Variants in B3GALT1 observed in about 807,000 individuals in gnomAD.
B3GALT1 encodes the protein beta-1,3-galactosyltransferase 1, also known as UDP-Gal:betaGlcNAc beta 1,3-galactosyltransferase, polypeptide 1.
In B3GALT1, 10 loss-of-function variants were observed where a neutral mutation model predicts 23.2. That is an observed-to-expected ratio of 0.43 (90% confidence interval 0.27 to 0.73). The LOEUF (loss-of-function observed/expected upper bound fraction) is 0.73. Among genes scored for constraint, B3GALT1 ranks in the 30% least tolerant of loss-of-function variants. The pLI, the probability that B3GALT1 is intolerant of heterozygous loss-of-function variation, is 0.21. For synonymous variants in B3GALT1, 156 were observed against 141.5 expected, an observed-to-expected ratio of 1.10 and a Z score of -0.73; for missense variants, 299 against 405.4, an observed-to-expected ratio of 0.74 and a Z score of 2.25.
chr2:167,560,041 AG>A (rs1683941530), intron 2 of B3GALT1, among the ~76,000 whole-genome samples: 1 of 152,212 alleles, frequency 6.6e-6, no homozygotes, highest in African/African-American at 2.4e-5. Flanking sequence ...AAAAATGTTA[AG>A]GGCAGCCAGA....
At chr2:167,346,458 G>C (rs1480194580) in intron 1 of B3GALT1, among the ~76,000 whole-genome samples, 1 of 152,060 alleles carries the variant, frequency 6.6e-6, no homozygotes, top group Non-Finnish European at 1.5e-5. Context: ...AACTTGCAGA[G>C]CCATCTTTAA....
chr2:167,722,413 C>G (rs994750451), intron 3 of B3GALT1, among the ~76,000 whole-genome samples: 1 of 152,174 alleles, frequency 6.6e-6, no homozygotes, highest in African/African-American at 2.4e-5. Context: ...GTGTCTTTGA[C>G]CTGACATTGA....
intron 3 of B3GALT1, among the ~76,000 whole-genome samples, chr2:167,689,105 G>A: frequency 7.5e-6 from 1 of 132,558 alleles, no homozygotes; most frequent in Non-Finnish European, 1.6e-5. Context: ...TCATCAAATA[G>A]AAACGCCATA....
intron 3 of B3GALT1, among the ~76,000 whole-genome samples, chr2:167,680,239 T>C (rs750548130): frequency 4.6e-5 from 7 of 152,176 alleles, no homozygotes; most frequent in Non-Finnish European, 1.5e-5. Context: ...GATTTATAAA[T>C]ATGCATCAGT....
At chr2:167,604,854 T>C (rs1684935986) in intron 2 of B3GALT1, among the ~76,000 whole-genome samples, 1 of 152,142 alleles carries the variant, frequency 6.6e-6, no homozygotes, top group Non-Finnish European at 1.5e-5. Context: ...TCTGGGAAGA[T>C]CATAGGCAAG....
intron 2 of B3GALT1, among the ~76,000 whole-genome samples, chr2:167,505,306 A>C (rs910461323): frequency 2.1e-4 from 32 of 152,210 alleles, no homozygotes; most frequent in Non-Finnish European, 4.0e-4. Flanking sequence ...ATCTTTAAAA[A>C]TTTTTAAATA....
intron 3 of B3GALT1, among the ~76,000 whole-genome samples, chr2:167,804,151 A>C (rs972483468): frequency 2.0e-5 from 3 of 151,878 alleles, no homozygotes; most frequent in Non-Finnish European, 4.4e-5. Context: ...CACCACGTCC[A>C]GCTGATTTTT....
At chr2:167,787,450 G>A (rs1009535517) in intron 3 of B3GALT1, among the ~76,000 whole-genome samples, 1 of 152,208 alleles carries the variant, frequency 6.6e-6, no homozygotes. Context: ...CAAGGGAGTA[G>A]GATGTACCAG....
chr2:167,822,038 G>A (rs1460987236), intron 4 of B3GALT1, among the ~76,000 whole-genome samples: 1 of 152,180 alleles, frequency 6.6e-6, no homozygotes, highest in Non-Finnish European at 1.5e-5. Context: ...CACAGTGGAG[G>A]AAGCAGCTCA....
intron 1 of B3GALT1, among the ~76,000 whole-genome samples, chr2:167,437,439 A>G (rs1698807610): frequency 6.6e-6 from 1 of 152,236 alleles, no homozygotes; most frequent in African/African-American, 2.4e-5. Context: ...TTTGGATCTG[A>G]TAACTTCTGC....
At position 167,839,754 on chromosome 2, in the gene B3GALT1, C is replaced by T. The variant is rs567546041; in HGVS notation, c.-230+20961C>T. Among the ~76,000 whole-genome samples the T allele has an allele frequency of 3.9e-5, 6 of 152,284 alleles. No individual in the cohort carries two copies. The East Asian group carries it at 7.7e-4, about 20-fold the overall frequency. ...TAAGCCAAAAGAACAAAGCTGGAGG[C>T]ATCACACTACCTGACTTCAAACTAT... On this transcript the variant is annotated intron_variant, in intron 4 of 4. Coordinates refer to ENST00000392690, the MANE Select transcript of B3GALT1 (RefSeq NM_020981.4).
At chr2:167,443,023 C>T (rs1277413760) in intron 1 of B3GALT1, among the ~76,000 whole-genome samples, 1 of 152,000 alleles carries the variant, frequency 6.6e-6, no homozygotes, top group Non-Finnish European at 1.5e-5. Flanking sequence ...AAGTTTAAGT[C>T]TTTAATCCAT....
At chr2:167,375,232 G>A (rs1697744693) in intron 1 of B3GALT1, among the ~76,000 whole-genome samples, 1 of 152,064 alleles carries the variant, frequency 6.6e-6, no homozygotes, top group South Asian at 2.1e-4. Context: ...TGCTGTTTTG[G>A]TTACTGTCGA....
intron 1 of B3GALT1, among the ~76,000 whole-genome samples, chr2:167,297,920 A>G (rs1391440816): frequency 1.3e-5 from 2 of 152,084 alleles, no homozygotes; most frequent in Non-Finnish European, 2.9e-5. Flanking sequence ...GCTGCTACCC[A>G]CCCCAGTTTT....
Position 167,714,032 on chromosome 2 carries a change from G to A in B3GALT1, c.-352+67066G>A, listed in dbSNP as rs570547027. 6 of 1,540,148 alleles carry A rather than the reference G, an allele frequency of 3.9e-6. No homozygotes were observed. The South Asian group carries it at 5.6e-5, about 14-fold the overall frequency. On this transcript the variant is annotated intron_variant, in intron 3 of 4. Coordinates refer to ENST00000392690, the MANE Select transcript of B3GALT1 (RefSeq NM_020981.4). ...AGTTGCTTCATTTTCGGCAGGGAGA[G>A]ATGAATCAGGCACATTTAAATGACC...
intron 1 of B3GALT1, among the ~76,000 whole-genome samples, chr2:167,476,400 T>C (rs1559108657): frequency 6.6e-6 from 1 of 152,174 alleles, no homozygotes; most frequent in East Asian, 1.9e-4. Flanking sequence ...TTAGAAAATA[T>C]CATATTTGCC....
chr2:167,401,640 C>G (rs565823649), intron 1 of B3GALT1, among the ~76,000 whole-genome samples: 1 of 152,272 alleles, frequency 6.6e-6, no homozygotes, highest in South Asian at 2.1e-4. Context: ...CCATAGAATT[C>G]TCTGTCACTT....
chr2:167,321,219 T>A (rs1264899824), intron 1 of B3GALT1, among the ~76,000 whole-genome samples: 1 of 152,072 alleles, frequency 6.6e-6, no homozygotes, highest in Non-Finnish European at 1.5e-5. Flanking sequence ...AGAAAGGGTA[T>A]GTATTGAAGT....
intron 4 of B3GALT1, among the ~76,000 whole-genome samples, chr2:167,839,017 G>A (rs1242514317): frequency 6.6e-6 from 1 of 152,238 alleles, no homozygotes; most frequent in Non-Finnish European, 1.5e-5. Context: ...AGGTATTGAT[G>A]GGACGTATCT....
Sources: allele counts gnomAD v4.1 joint callset (sites outside exome capture counted in the v4.1 genomes callset), GRCh38; gene constraint gnomAD v4.1.1; transcripts MANE v1.5; gene names NCBI Gene and HGNC (gene_info 2026-07-23, HGNC 2026-07-21).